Variants in PFKP observed in about 807,000 individuals in gnomAD.
The protein encoded by PFKP is phosphofructokinase, platelet, also known as ATP-dependent 6-phosphofructokinase, platelet type.
In PFKP, 101 loss-of-function variants were observed where a neutral mutation model predicts 94.3. The observed-to-expected ratio is 1.07, with a 90% CI of 0.91 to 1.26. The LOEUF (loss-of-function observed/expected upper bound fraction) is 1.26, where lower values mean the gene tolerates loss of function less well. PFKP is among the 50% of genes most tolerant of loss of function. The pLI, the probability that PFKP is intolerant of heterozygous loss-of-function variation, is 0.00. For missense variants in PFKP, 1,145 were observed against 1,103.3 expected (o/e 1.04, Z -0.53); for synonymous variants, 573 against 432.6 (o/e 1.32, Z -4.03).
intron 18 of PFKP, 96 bp from the exon 19 acceptor site, chr10:3,133,107 G>C (rs745436225): frequency 4.0e-5 from 33 of 819,892 alleles, no homozygotes; most frequent in Non-Finnish European, 6.9e-5. Context: ...AGGGTTGGGG[G>C]ATGCGGGAGT....
chr10:3,075,398 T>C (rs1832501858), intron 1 of PFKP, among the ~76,000 whole-genome samples: 1 of 151,694 alleles, frequency 6.6e-6, no homozygotes, highest in Non-Finnish European at 1.5e-5. Context: ...GTACACAGTA[T>C]ACTCAAGGGC....
intron 2 of PFKP, among the ~76,000 whole-genome samples, chr10:3,088,824 C>G (rs1408087366): frequency 2.0e-5 from 3 of 151,966 alleles, no homozygotes; most frequent in African/African-American, 4.8e-5. Context: ...CCCCACCCCT[C>G]CCCTTCCATA....
chr10:3,084,297 C>T (rs1261364780), intron 2 of PFKP, among the ~76,000 whole-genome samples: 6 of 152,166 alleles, frequency 3.9e-5, no homozygotes, highest in East Asian at 1.9e-4. Flanking sequence ...CCGCTGTGTG[C>T]GGCGGCCTTC....
intron 1 of PFKP, among the ~76,000 whole-genome samples, chr10:3,071,527 A>G (rs192128271): frequency 6.7e-6 from 1 of 149,690 alleles, no homozygotes. Flanking sequence ...TTTTCACTCA[A>G]TCTGAAATAA....
chr10:3,123,271 TGCTGCCAC>T (rs1355387878), intron 16 of PFKP, among the ~76,000 whole-genome samples: 3 of 152,212 alleles, frequency 2.0e-5, no homozygotes, highest in African/African-American at 7.2e-5. Flanking sequence ...CACAGTAAGC[TGCTGCCAC>T]GCTGCCGTCA....
intron 16 of PFKP, among the ~76,000 whole-genome samples, chr10:3,124,178 C>T (rs1026459843): frequency 3.9e-5 from 6 of 152,240 alleles, no homozygotes; most frequent in South Asian, 2.1e-4. Flanking sequence ...GTGTGGGCGC[C>T]GCCCTGTGTC....
At chr10:3,093,873 G>A (rs944746224) in intron 2 of PFKP, among the ~76,000 whole-genome samples, 3 of 152,118 alleles carry the variant, frequency 2.0e-5, no homozygotes, top group Non-Finnish European at 4.4e-5. Flanking sequence ...TCCATCTCCT[G>A]ACCTTGTGAT....
In PFKP at chr10:3,132,543, C is replaced by T. The variant is rs186879381; in HGVS notation, c.1910+102C>T. On this transcript the variant is annotated intron_variant, in intron 18 of 21. Coordinates refer to ENST00000381125, the MANE Select transcript of PFKP (RefSeq NM_002627.5). Reference sequence around the variant, plus strand: ...GCTGGATGAGTGGTCATTTCTTTGCCGCTAGAGTGCACTACACACACTGAG... The same window carrying T: ...GCTGGATGAGTGGTCATTTCTTTGCTGCTAGAGTGCACTACACACACTGAG... 539 of 809,220 alleles carry T rather than the reference C, an allele frequency of 6.7e-4. 2 individuals are homozygous for T. The highest frequency in any genetic ancestry group is 9.8e-4 in the Middle Eastern group (3 of 3,074). 50.1% of individuals were successfully genotyped at this position (809,220 alleles called of 1,614,324 possible).
At chr10:3,118,479 T>A (rs939807151) in intron 14 of PFKP, among the ~76,000 whole-genome samples, 3 of 152,228 alleles carry the variant, frequency 2.0e-5, no homozygotes, top group Non-Finnish European at 4.4e-5. Flanking sequence ...AAAAAAAAAA[T>A]TGTTATTAAT....
At chr10:3,089,332 G>C (rs949194767) in intron 2 of PFKP, among the ~76,000 whole-genome samples, 1 of 152,176 alleles carries the variant, frequency 6.6e-6, no homozygotes. Flanking sequence ...TGTTGTGGGC[G>C]TGCACCACGT....
At chr10:3,135,937 T>C in intron 21 of PFKP, 99 bp downstream of exon 21, 1 of 743,760 alleles carries the variant, frequency 1.3e-6, no homozygotes, top group South Asian at 1.6e-5. Flanking sequence ...TTCAGGGGTT[T>C]GAGGAACTGG....
At chr10:3,104,317 A>G (rs1199914233) in intron 5 of PFKP, among the ~76,000 whole-genome samples, 1 of 152,184 alleles carries the variant, frequency 6.6e-6, no homozygotes, top group Non-Finnish European at 1.5e-5. Flanking sequence ...TGTGTAACCT[A>G]CGGATTCACG....
chr10:3,083,302 C>T (rs1430036843), intron 2 of PFKP, among the ~76,000 whole-genome samples: 1 of 152,086 alleles, frequency 6.6e-6, no homozygotes, highest in East Asian at 1.9e-4. Context: ...CTTTTGAAGT[C>T]CTGGCAACTT....
At chr10:3,124,294 C>T (rs1484425515) in intron 16 of PFKP, among the ~76,000 whole-genome samples, 3 of 152,238 alleles carry the variant, frequency 2.0e-5, no homozygotes, top group African/African-American at 7.2e-5. Flanking sequence ...TCAAAAACAC[C>T]TTGCTGTGTG....
chr10:3,080,287 G>A (rs1832948023), intron 1 of PFKP, among the ~76,000 whole-genome samples: 1 of 152,178 alleles, frequency 6.6e-6, no homozygotes, highest in African/African-American at 2.4e-5. Flanking sequence ...GGAGGCTGAG[G>A]CGGATGGATC....
In PFKP at chr10:3,112,076, T is replaced by C. The variant is rs774081291; in HGVS notation, c.1090-146T>C. On this transcript the variant is annotated intron_variant, in intron 10 of 21. Transcript: ENST00000381125. ...TTAGGACACACTTGGCGGCCGGTCG[T>C]CTAGACCATTAACCCTGGGGCTGCT... 4.3e-4 allele frequency: 297 copies of C among 686,632 alleles called. 1 individual carries two copies. Among genetic ancestry groups the C allele is most frequent in the Non-Finnish European group, 3.6e-4 (134 of 375,594 alleles). The allele number at this position is 686,632 out of a possible 1,614,324, so 42.5% of individuals were successfully genotyped here.
At chr10:3,085,903 C>T (rs929209841) in intron 2 of PFKP, among the ~76,000 whole-genome samples, 3 of 138,060 alleles carry the variant, frequency 2.2e-5, no homozygotes, top group African/African-American at 8.1e-5. Flanking sequence ...TCACCTGCAC[C>T]TGACGAAGAC....
rs76466861 is a variant in PFKP at position 3,129,965 on chromosome 10, C to A, written c.1830C>A (p.Phe610Leu). 2 of 1,586,922 alleles carry A rather than the reference C, an allele frequency of 1.3e-6. No homozygotes were observed. The highest frequency in any genetic ancestry group is 1.7e-6 in the Non-Finnish European group (2 of 1,164,782). ...CCGCATACATTTTCGAAGAGCCCTT[C>A]GACATCAGGGATCTGCAGGTATGTG... Reference protein sequence around the residue: ...ADAAYIFEEPFDIRDLQSNVE... With the variant: ...ADAAYIFEEPLDIRDLQSNVE... The change falls in exon 17 of 22, where the codon TTC (phenylalanine) becomes TTA (leucine). Residue 610 changes from phenylalanine to leucine, a missense_variant. Phe to Leu is a conservative substitution (Grantham distance 22). Around this residue, in one of 3 missense-constraint regions of PFKP, gnomAD observed 1,119 missense variants for 1,062.8 expected, o/e 1.05. Coordinates refer to ENST00000381125, the MANE Select transcript of PFKP (RefSeq NM_002627.5).
Position 3,108,141 on chromosome 10 carries a change from T to G in PFKP, c.871-560T>G, listed in dbSNP as rs933218002. On this transcript the variant is annotated intron_variant, in intron 8 of 21. Coordinates refer to ENST00000381125, the MANE Select transcript of PFKP (RefSeq NM_002627.5). ...ATTTCCCGCTTAACTGTAATTAAAT[T>G]ATAGGACAATGGACCGAGAAGGAAC... 31 of 696,812 alleles carry G rather than the reference T, an allele frequency of 4.4e-5. No homozygotes were observed. The African/African-American group carries it at 5.8e-4, about 13-fold the overall frequency. 43.2% of individuals were successfully genotyped at this position (696,812 alleles called of 1,614,324 possible). A position where few individuals can be genotyped will look rare whatever the true frequency, so the allele number is the denominator to read the frequency against.
Sources: gnomAD v4.1 joint callset for allele counts (sites outside exome capture counted in the v4.1 genomes callset) on GRCh38, gnomAD v4.1.1 for gene constraint, gnomAD v4.1.1 regional missense constraint, MANE v1.5 for transcripts, NCBI Gene and HGNC (gene_info 2026-07-23, HGNC 2026-07-21) for gene names.